Variants in XKR6 observed in about 807,000 individuals in gnomAD.
XKR6 encodes the protein XK-related protein 6.
XKR6 carries 22 observed loss-of-function variants against 56.7 expected under a neutral mutation model. The ratio of observed to expected loss-of-function variants is 0.39; its 90% CI spans 0.28 to 0.55. The LOEUF is 0.55. Among genes scored for constraint, XKR6 ranks in the 20% least tolerant of loss-of-function variants. The pLI, the probability that XKR6 is intolerant of heterozygous loss-of-function variation, is 0.66. For synonymous variants in XKR6, 524 were observed against 387.8 expected (o/e 1.35, Z -4.13); for missense variants, 852 against 889.0 (o/e 0.96, Z 0.53).
At chr8:11,025,474 A>G (rs1055272895) in intron 1 of XKR6, among the ~76,000 whole-genome samples, 4 of 152,196 alleles carry the variant, frequency 2.6e-5, no homozygotes, top group Non-Finnish European at 5.9e-5. Flanking sequence ...CCAATGGGAT[A>G]GAGGAAGCCA....
chr8:11,162,754 C>T (rs1054146937), intron 1 of XKR6, among the ~76,000 whole-genome samples: 19 of 152,222 alleles, frequency 1.2e-4, no homozygotes, highest in African/African-American at 3.6e-4. Context: ...GGTTTTAAGA[C>T]GGTCTGTCAG....
chr8:10,995,693 CAAAA>C (rs33957321), intron 1 of XKR6, among the ~76,000 whole-genome samples: 1 of 114,970 alleles, frequency 8.7e-6, no homozygotes. Context: ...ATCTCCCCAC[CAAAA>C]AAAAAAAAAA....
chr8:11,191,694 G>C (rs903477463), intron 1 of XKR6, among the ~76,000 whole-genome samples: 1 of 131,114 alleles, frequency 7.6e-6, no homozygotes, highest in African/African-American at 3.2e-5. Flanking sequence ...AAAAGTCAAT[G>C]TCATGAGAAA....
intron 1 of XKR6, among the ~76,000 whole-genome samples, chr8:11,168,633 ATGTT>A (rs2117037928): frequency 6.6e-6 from 1 of 152,366 alleles, no homozygotes; most frequent in Non-Finnish European, 1.5e-5. Context: ...AGAAGAGACT[ATGTT>A]TGTCCACAAA....
chr8:11,091,685 T>C (rs1397587140), intron 1 of XKR6, among the ~76,000 whole-genome samples: 1 of 152,052 alleles, frequency 6.6e-6, no homozygotes, highest in Non-Finnish European at 1.5e-5. Flanking sequence ...GTTAGAAATG[T>C]GGAGCAGGAC....
At chr8:10,912,799 T>G (rs962612920) in intron 2 of XKR6, among the ~76,000 whole-genome samples, 8 of 147,644 alleles carry the variant, frequency 5.4e-5, no homozygotes, top group East Asian at 2.0e-4. Flanking sequence ...TGCATATATA[T>G]AGAGAGAGAG....
At chr8:10,975,947 G>T (rs1487315383) in intron 1 of XKR6, among the ~76,000 whole-genome samples, 2 of 152,158 alleles carry the variant, frequency 1.3e-5, no homozygotes, top group East Asian at 1.9e-4. Context: ...GGCCGAGACG[G>T]GCAGATCACG....
chr8:10,905,283 G>A (rs1042445579), intron 2 of XKR6, among the ~76,000 whole-genome samples: 2 of 152,144 alleles, frequency 1.3e-5, no homozygotes, highest in African/African-American at 2.4e-5. Context: ...CAGGTCGTGC[G>A]GCATTCGGAG....
chr8:11,110,842 C>T (rs1222736149), intron 1 of XKR6, among the ~76,000 whole-genome samples: 2 of 144,750 alleles, frequency 1.4e-5, no homozygotes, highest in Non-Finnish European at 3.1e-5. Context: ...CTCAACTTTC[C>T]TTTTTTTTTT....
At chr8:10,946,187 A>G (rs768509345) in intron 1 of XKR6, among the ~76,000 whole-genome samples, 8 of 151,918 alleles carry the variant, frequency 5.3e-5, no homozygotes, top group African/African-American at 7.3e-5. Context: ...CAAGTAGCCT[A>G]TTTGCACACA....
At chr8:10,902,055 C>A (rs1800050268) in intron 2 of XKR6, among the ~76,000 whole-genome samples, 1 of 152,196 alleles carries the variant, frequency 6.6e-6, no homozygotes, top group South Asian at 2.1e-4. Context: ...GTTCCTGCAA[C>A]TCCCTTCATG....
intron 1 of XKR6, among the ~76,000 whole-genome samples, chr8:10,927,767 C>A (rs1032661311): frequency 6.6e-6 from 1 of 152,154 alleles, no homozygotes; most frequent in Non-Finnish European, 1.5e-5. Context: ...TGGGTGTGAG[C>A]ACCCCAGGGT....
intron 1 of XKR6, among the ~76,000 whole-genome samples, chr8:11,000,432 T>C (rs1400167933): frequency 6.6e-6 from 1 of 152,138 alleles, no homozygotes; most frequent in African/African-American, 2.4e-5. Context: ...ATGCCTGAAA[T>C]CCAAGCTCTT....
chr8:10,947,481 A>C (rs946713501), intron 1 of XKR6, among the ~76,000 whole-genome samples: 2 of 152,138 alleles, frequency 1.3e-5, no homozygotes, highest in African/African-American at 4.8e-5. Context: ...AGAGCAGCCC[A>C]GGATGGAGCC....
chr8:10,987,611 T>C (rs181029923), intron 1 of XKR6, among the ~76,000 whole-genome samples: 467 of 152,288 alleles, frequency 3.1e-3, no homozygotes, highest in Non-Finnish European at 5.2e-3. Context: ...TCCCACAGTG[T>C]ATTCTGGACA....
At chr8:10,913,513 C>A (rs571113414) in intron 2 of XKR6, among the ~76,000 whole-genome samples, 17 of 152,290 alleles carry the variant, frequency 1.1e-4, no homozygotes, top group African/African-American at 3.4e-4. Context: ...ATATGCACCC[C>A]CCAGCCATCG....
chr8:10,950,239 G>C (rs952591643), intron 1 of XKR6, among the ~76,000 whole-genome samples: 2 of 152,180 alleles, frequency 1.3e-5, no homozygotes, highest in African/African-American at 4.8e-5. Flanking sequence ...CCAATGGATA[G>C]TGCAGGGGGC....
chr8:11,120,395 GACAA>G (rs1320830261), intron 1 of XKR6, among the ~76,000 whole-genome samples: 2 of 152,190 alleles, frequency 1.3e-5, no homozygotes, highest in Admixed American at 6.5e-5. Context: ...ACCAATAACA[GACAA>G]ACAGAGAGCC....
intron 1 of XKR6, among the ~76,000 whole-genome samples, chr8:10,946,352 C>G (rs969395819): frequency 6.6e-6 from 1 of 152,108 alleles, no homozygotes; most frequent in Non-Finnish European, 1.5e-5. Context: ...GTAATGGACA[C>G]GTGCACTTGA....
Sources: allele counts gnomAD v4.1 joint callset (sites outside exome capture counted in the v4.1 genomes callset), GRCh38; gene constraint gnomAD v4.1.1; transcripts MANE v1.5; gene names NCBI Gene and HGNC (gene_info 2026-07-23, HGNC 2026-07-21).